The following EPB41L4B variants were observed in gnomAD, a reference collection of about 807,000 sequenced individuals.
EPB41L4B encodes band 4.1-like protein 4B.
Under a neutral mutation model 112.5 loss-of-function variants are expected in EPB41L4B, and 30 were observed. The ratio of observed to expected loss-of-function variants is 0.27; its 90% confidence interval spans 0.20 to 0.36. The LOEUF is 0.36. EPB41L4B is among the 10% of genes least tolerant of loss of function. The pLI is 1.00. For missense variants in EPB41L4B, 1,024 were observed against 1,133.3 expected, an observed-to-expected ratio of 0.90 and a Z score of 1.38; for synonymous variants, 408 against 439.7, an observed-to-expected ratio of 0.93 and a Z score of 0.90.
At chr9:109,176,817 T>C (rs1831861442) in intron 24 of EPB41L4B, 121 bp from the exon 25 acceptor site, 5 of 1,147,912 alleles carry the variant, frequency 4.4e-6, no homozygotes, top group Non-Finnish European at 6.2e-6. Context: ...CTAAAATCGA[T>C]TGTCATTTTA....
chr9:109,177,148 CAGTT>C (rs1457613486), intron 24 of EPB41L4B, among the ~76,000 whole-genome samples: 8 of 152,168 alleles, frequency 5.3e-5, no homozygotes, highest in Non-Finnish European at 1.0e-4. Flanking sequence ...CAAGGTCACA[CAGTT>C]AGTAAGTGTT....
intron 2 of EPB41L4B, among the ~76,000 whole-genome samples, chr9:109,269,262 G>T (rs1042716695): frequency 1.3e-5 from 2 of 152,188 alleles, no homozygotes; most frequent in Non-Finnish European, 2.9e-5. Context: ...GCAAAGGCAG[G>T]CAGGGATTTG....
At chr9:109,246,284 C>T (rs894886127) in intron 14 of EPB41L4B, among the ~76,000 whole-genome samples, 1 of 152,056 alleles carries the variant, frequency 6.6e-6, no homozygotes, top group Non-Finnish European at 1.5e-5. Context: ...CACCTATAAC[C>T]CCAGATACTT....
intron 16 of EPB41L4B, among the ~76,000 whole-genome samples, chr9:109,215,814 A>C (rs1260561990): frequency 6.6e-6 from 1 of 152,242 alleles, no homozygotes; most frequent in Non-Finnish European, 1.5e-5. Context: ...ATATAAACTC[A>C]TTCTATCATA....
chr9:109,221,750 A>G (rs185712625), intron 15 of EPB41L4B, among the ~76,000 whole-genome samples: 80 of 152,338 alleles, frequency 5.3e-4, no homozygotes, highest in African/African-American at 1.8e-3. Context: ...CGTGGGTAAC[A>G]AAGAGTGTGA....
chr9:109,208,114 T>C lies in EPB41L4B; in HGVS notation c.1753-65A>G, dbSNP rs545079032. The C allele has an allele frequency of 3.0e-4, 487 of 1,596,910 alleles. 5 individuals are homozygous for C. Among genetic ancestry groups the C allele is most frequent in the Admixed American group, 3.2e-4 (19 of 58,760 alleles). On this transcript the variant is annotated intron_variant, in intron 17 of 25. Coordinates refer to ENST00000374566, the MANE Select transcript of EPB41L4B (RefSeq NM_019114.5). ...AGAGAGAACCATGTGCATTAACTTT[T>C]CCCAATAATCATAACTGCATATAAC...
intron 1 of EPB41L4B, among the ~76,000 whole-genome samples, chr9:109,295,072 AAACAC>A (rs1296677100): frequency 6.6e-6 from 1 of 152,176 alleles, no homozygotes; most frequent in Non-Finnish European, 1.5e-5. Context: ...TGTGAAAACA[AAACAC>A]AATACACAAG....
At chr9:109,299,955 A>C (rs186881832) in intron 1 of EPB41L4B, among the ~76,000 whole-genome samples, 19 of 152,336 alleles carry the variant, frequency 1.2e-4, no homozygotes, top group Admixed American at 1.2e-3. Context: ...CTGCCATAAC[A>C]CAACCCTACG....
At chr9:109,239,902 A>G in intron 15 of EPB41L4B, 2 of 985,470 alleles carry the variant, frequency 2.0e-6, no homozygotes, top group Non-Finnish European at 2.4e-6. Context: ...ACTTCTCTCT[A>G]CTCAGCACCT....
chr9:109,222,133 A>G (rs1439922284), intron 15 of EPB41L4B, among the ~76,000 whole-genome samples: 1 of 152,204 alleles, frequency 6.6e-6, no homozygotes, highest in Non-Finnish European at 1.5e-5. Flanking sequence ...GCAGGGAGTG[A>G]GAAAGTGCAT....
chr9:109,214,635 C>A (rs1295849449), intron 16 of EPB41L4B, among the ~76,000 whole-genome samples: 1 of 152,056 alleles, frequency 6.6e-6, no homozygotes, highest in East Asian at 1.9e-4. Flanking sequence ...GTATTCCAGG[C>A]AAAGGGAACA....
intron 18 of EPB41L4B, 87 bp from the exon 19 acceptor site, chr9:109,203,817 T>C (rs1564263318): frequency 1.8e-6 from 2 of 1,124,632 alleles, no homozygotes; most frequent in Non-Finnish European, 2.7e-6. Flanking sequence ...CAAAAGATTA[T>C]AGAAATTGGC....
intron 1 of EPB41L4B, among the ~76,000 whole-genome samples, chr9:109,280,300 C>G (rs893373100): frequency 6.6e-6 from 1 of 152,186 alleles, no homozygotes; most frequent in Non-Finnish European, 1.5e-5. Flanking sequence ...TGCAGGCAAC[C>G]TTACTTAGGA....
chr9:109,240,625 A>C (rs1834320171), intron 15 of EPB41L4B: 3 of 985,464 alleles, frequency 3.0e-6, no homozygotes, highest in Non-Finnish European at 3.6e-6. Context: ...CCTAAAAGAC[A>C]ACATATTGAT....
intron 18 of EPB41L4B, among the ~76,000 whole-genome samples, chr9:109,205,229 T>C (rs1832956310): frequency 6.6e-6 from 1 of 152,216 alleles, no homozygotes; most frequent in African/African-American, 2.4e-5. Flanking sequence ...GAAACGCTAA[T>C]GTCAAATTAC....
intron 1 of EPB41L4B, among the ~76,000 whole-genome samples, chr9:109,291,624 A>T (rs1458339204): frequency 6.6e-6 from 1 of 152,226 alleles, no homozygotes; most frequent in Non-Finnish European, 1.5e-5. Context: ...TAGAAATCAG[A>T]GGAAGCAACA....
At chr9:109,257,919 T>C (rs1835045720) in intron 7 of EPB41L4B, among the ~76,000 whole-genome samples, 2 of 152,060 alleles carry the variant, frequency 1.3e-5, no homozygotes, top group African/African-American at 2.4e-5. Flanking sequence ...TGCTTGAGCA[T>C]TGGGAGGTCG....
intron 1 of EPB41L4B, among the ~76,000 whole-genome samples, chr9:109,294,302 G>A (rs1475328507): frequency 3.9e-5 from 5 of 127,078 alleles, no homozygotes; most frequent in Non-Finnish European, 4.8e-5. Flanking sequence ...GTGAGACTCC[G>A]TCTCAAAAAA....
chr9:109,315,236 T>C (rs1837588762), intron 1 of EPB41L4B, among the ~76,000 whole-genome samples: 1 of 152,186 alleles, frequency 6.6e-6, no homozygotes, highest in Non-Finnish European at 1.5e-5. Context: ...TAGCTGCCTC[T>C]GTTCTCACAG....
Sources: allele counts gnomAD v4.1 joint callset (sites outside exome capture counted in the v4.1 genomes callset), GRCh38; gene constraint gnomAD v4.1.1; transcripts MANE v1.5; gene names NCBI Gene and HGNC (gene_info 2026-07-23, HGNC 2026-07-21).